The following RCL1 variants were observed in gnomAD, a reference collection of about 807,000 sequenced individuals.
RCL1 encodes RNA 3'-terminal phosphate cyclase-like protein.
RCL1 carries 24 observed loss-of-function variants against 42.4 expected under a neutral mutation model. That is an observed-to-expected ratio of 0.57 (90% CI 0.41 to 0.80). The LOEUF (loss-of-function observed/expected upper bound fraction) is 0.80. Ranked by LOEUF, RCL1 falls within the 30% of genes least tolerant of loss-of-function variation. The pLI is 0.00. For missense variants in RCL1, 578 were observed against 467.9 expected (o/e 1.24, Z -2.17); for synonymous variants, 228 against 177.3 (o/e 1.29, Z -2.27).
intron 1 of RCL1, among the ~76,000 whole-genome samples, chr9:4,815,279 G>C (rs888340896): frequency 2.2e-4 from 34 of 152,052 alleles, no homozygotes; most frequent in African/African-American, 7.2e-4. Flanking sequence ...TGTAAGTCTT[G>C]TAGGTGTTCT....
chr9:4,830,107 C>T (rs758868573), intron 3 of RCL1, among the ~76,000 whole-genome samples: 3 of 152,178 alleles, frequency 2.0e-5, no homozygotes, highest in Non-Finnish European at 4.4e-5. Context: ...TCTAAGAAGT[C>T]AGGGATAATC....
Position 4,860,319 on chromosome 9 carries a change from A to T in RCL1, c.*44A>T. ...GCCCCAATGCCTACAGACAAAGCAG[A>T]AGCTGCCACGGACACCAATGGGACC... is the stretch of plus-strand genomic sequence containing the variant. On this transcript the variant is annotated 3_prime_UTR_variant, in exon 9 of 9. Transcript: ENST00000381750. The T allele has an allele frequency of 6.3e-7, 1 of 1,594,712 alleles. No individual in the cohort carries two copies.
intron 1 of RCL1, among the ~76,000 whole-genome samples, chr9:4,810,216 G>A (rs1179987432): frequency 6.6e-6 from 1 of 152,060 alleles, no homozygotes; most frequent in Non-Finnish European, 1.5e-5. Flanking sequence ...CATATATTAA[G>A]AAAAGTGCGT....
At position 4,849,668 on chromosome 9, in the gene RCL1, C is replaced by T. The variant is rs187417080; in HGVS notation, c.971+118C>T. On this transcript the variant is annotated intron_variant, in intron 8 of 8. Coordinates refer to ENST00000381750, the MANE Select transcript of RCL1 (RefSeq NM_005772.5). ...ACTATGAACACCTGCTTGTGTTTAT[C>T]CTCAAATCAGCCAGCAGTTGTCACT... The T allele has an allele frequency of 2.1e-3, 1,480 of 699,718 alleles. 4 individuals carry two copies. Among genetic ancestry groups the T allele is most frequent in the Non-Finnish European group, 2.4e-3 (957 of 396,594 alleles). 43.3% of individuals were successfully genotyped at this position (699,718 alleles called of 1,614,324 possible).
chr9:4,798,545 A>G (rs1229666427), intron 1 of RCL1, among the ~76,000 whole-genome samples: 1 of 152,256 alleles, frequency 6.6e-6, no homozygotes. Flanking sequence ...GTTTTAATCA[A>G]AAGGGTCCTT....
intron 6 of RCL1, among the ~76,000 whole-genome samples, chr9:4,842,751 G>T (rs948992328): frequency 6.6e-6 from 1 of 152,168 alleles, no homozygotes; most frequent in African/African-American, 2.4e-5. Context: ...CTGGAATTAT[G>T]TGTCAGCTAT....
intron 7 of RCL1, among the ~76,000 whole-genome samples, chr9:4,845,541 TAC>T (rs780417083): frequency 1.3e-5 from 2 of 152,230 alleles, no homozygotes; most frequent in African/African-American, 4.8e-5. Context: ...AAGAATAAGA[TAC>T]AGTTTCCTAA....
chr9:4,851,919 C>T (rs460087), intron 8 of RCL1, among the ~76,000 whole-genome samples: 93,343 of 142,868 alleles, frequency 0.65, 30,312 homozygotes, highest in Admixed American at 0.69. Context: ...TTCGCTCTGT[C>T]GCCCAGGCTA....
At chr9:4,814,308 G>C (rs1173385974) in intron 1 of RCL1, among the ~76,000 whole-genome samples, 1 of 151,716 alleles carries the variant, frequency 6.6e-6, no homozygotes, top group Non-Finnish European at 1.5e-5. Flanking sequence ...TTTAGAGATA[G>C]GGTCTGACTT....
At chr9:4,813,404 A>C (rs1344441033) in intron 1 of RCL1, among the ~76,000 whole-genome samples, 1 of 152,262 alleles carries the variant, frequency 6.6e-6, no homozygotes, top group African/African-American at 2.4e-5. Flanking sequence ...TCTCAAAAGA[A>C]GATATTTATG....
At chr9:4,806,769 G>A (rs376518861) in intron 1 of RCL1, among the ~76,000 whole-genome samples, 4 of 151,990 alleles carry the variant, frequency 2.6e-5, no homozygotes, top group Non-Finnish European at 5.9e-5. Context: ...TCAGGGTAGC[G>A]CTAGTTTAAA....
At chr9:4,793,367 T>A in intron 1 of RCL1, 140 bp downstream of exon 1, 1 of 794,914 alleles carries the variant, frequency 1.3e-6, no homozygotes, top group South Asian at 2.2e-5. Flanking sequence ...GCGCGTCGCC[T>A]CCAAAGCCGG....
In RCL1 at chr9:4,860,844, G is replaced by C. The variant is rs926306725; in HGVS notation, c.*569G>C. On this transcript the variant is annotated 3_prime_UTR_variant, in exon 9 of 9. Transcript: ENST00000381750. ...GATTGCTGTCATGGACACGGACACG[G>C]ATCTTCATCTGGTTCATTGTATTTA... 1.2e-4 allele frequency: 19 copies of C among 152,394 alleles called. No individual in the cohort carries two copies. The highest frequency in any genetic ancestry group is 4.6e-4 in the African/African-American group (19 of 41,576). 9.4% of individuals were successfully genotyped at this position (152,394 alleles called of 1,614,324 possible). A position where few individuals can be genotyped will look rare whatever the true frequency, so the allele number is the denominator to read the frequency against.
At chr9:4,855,312 G>C (rs1398181735) in intron 8 of RCL1, among the ~76,000 whole-genome samples, 2 of 151,714 alleles carry the variant, frequency 1.3e-5, no homozygotes, top group African/African-American at 4.8e-5. Context: ...TATTTGCGCT[G>C]TGTGGGTGGT....
chr9:4,826,365 A>G (rs1315970483), intron 2 of RCL1, among the ~76,000 whole-genome samples: 1 of 152,232 alleles, frequency 6.6e-6, no homozygotes, highest in Non-Finnish European at 1.5e-5. Context: ...AAATTAAAAG[A>G]CCTACTATTA....
At chr9:4,813,653 A>G (rs1816259571) in intron 1 of RCL1, among the ~76,000 whole-genome samples, 1 of 152,248 alleles carries the variant, frequency 6.6e-6, no homozygotes, top group African/African-American at 2.4e-5. Context: ...ATCTAGAACT[A>G]GAAATACCAT....
At chr9:4,807,278 T>C (rs1356410395) in intron 1 of RCL1, among the ~76,000 whole-genome samples, 2 of 152,252 alleles carry the variant, frequency 1.3e-5, no homozygotes, top group African/African-American at 4.8e-5. Flanking sequence ...CTGTTCTTTA[T>C]TATTTCCTTC....
chr9:4,835,486 G>T lies in RCL1; in HGVS notation c.584+1221G>T, dbSNP rs562181651. Among the ~76,000 whole-genome samples, 6 of 152,276 alleles carry T rather than the reference G, an allele frequency of 3.9e-5. No homozygotes were observed. The South Asian group carries it at 1.0e-3, about 26-fold the overall frequency. On this transcript the variant is annotated intron_variant, in intron 5 of 8. Transcript: ENST00000381750. ...TCTGGGTTGTGGAGTGAAGGGGAGGGAAACAGCGGCTTGTGGGGACCACTC... is the reference window on the plus strand; with the variant it reads ...TCTGGGTTGTGGAGTGAAGGGGAGGTAAACAGCGGCTTGTGGGGACCACTC...
chr9:4,823,756 T>C, intron 2 of RCL1, 137 bp downstream of exon 2: 3 of 610,358 alleles, frequency 4.9e-6, no homozygotes, highest in Admixed American at 3.0e-5. Flanking sequence ...ATAAATATTA[T>C]GTTTAAAGCT....
Sources: allele counts gnomAD v4.1 joint callset (sites outside exome capture counted in the v4.1 genomes callset), GRCh38; gene constraint gnomAD v4.1.1; transcripts MANE v1.5; gene names NCBI Gene and HGNC (gene_info 2026-07-23, HGNC 2026-07-21).